SAMMSON: variants seen among roughly 807,000 people sequenced by gnomAD.
The protein encoded by SAMMSON is long intergenic non-protein coding RNA 1212.
chr3:70,083,821 G>C (rs1025241381), intron 4 of SAMMSON, among the ~76,000 whole-genome samples: 2 of 151,964 alleles, frequency 1.3e-5, no homozygotes, highest in African/African-American at 4.8e-5. Context: ...CCTTCACACA[G>C]TATCTCCCTC....
In SAMMSON at chr3:70,399,995, G is replaced by T. The variant is rs1334128164; in HGVS notation, n.233+41671G>T. On this transcript the variant is annotated intron_variant and non_coding_transcript_variant, in intron 2 of 3. Transcript: ENST00000641053. ...TATGGGGTAGATTTTTTTAAGTAAG[G>T]TAAGAAGGGTGTGTGATTATATTGT... 2.7e-5 allele frequency among the ~76,000 whole-genome samples: 4 copies of T among 149,174 alleles called. No individual in the cohort carries two copies. The East Asian group carries it at 5.8e-4, about 22-fold the overall frequency.
At chr3:70,148,731 C>T (rs1559523411) in intron 4 of SAMMSON, among the ~76,000 whole-genome samples, 1 of 152,070 alleles carries the variant, frequency 6.6e-6, no homozygotes, top group Non-Finnish European at 1.5e-5. Context: ...TCACTCACTA[C>T]CTTGAGGGCA....
intron 9 of SAMMSON, among the ~76,000 whole-genome samples, chr3:70,362,313 T>A (rs1243662069): frequency 1.3e-5 from 2 of 152,172 alleles, no homozygotes; most frequent in Non-Finnish European, 2.9e-5. Context: ...AAGTCAAAGA[T>A]GTTTGAATTT....
At chr3:70,411,435 T>C (rs148174748) in intron 2 of SAMMSON, among the ~76,000 whole-genome samples, 1 of 152,342 alleles carries the variant, frequency 6.6e-6, no homozygotes, top group Non-Finnish European at 1.5e-5. Flanking sequence ...ACATTCAGCA[T>C]ATCCACTTAT....
In SAMMSON at chr3:70,009,633, T is replaced by C. The variant is rs1006429009; in HGVS notation, n.23-2724T>C. ...TTTTGAAGGGTTTTTTGTGTCTCTATTCCCTTCAGTTCTGCTCTGGTTTTA... is the reference window on the plus strand; with the variant it reads ...TTTTGAAGGGTTTTTTGTGTCTCTACTCCCTTCAGTTCTGCTCTGGTTTTA... On this transcript the variant is annotated intron_variant and non_coding_transcript_variant, in intron 1 of 9. Transcript: ENST00000642114. 2.3e-4 allele frequency among the ~76,000 whole-genome samples: 35 copies of C among 152,120 alleles called. 1 individual carries two copies. The highest frequency in any genetic ancestry group is 8.2e-4 in the African/African-American group (34 of 41,468).
chr3:70,159,820 G>A (rs2067607331), intron 4 of SAMMSON, among the ~76,000 whole-genome samples: 1 of 152,026 alleles, frequency 6.6e-6, no homozygotes, highest in Non-Finnish European at 1.5e-5. Flanking sequence ...GCCTCCCAAA[G>A]TGCTGGAATT....
At chr3:70,011,029 A>T (rs2066952783) in intron 1 of SAMMSON, among the ~76,000 whole-genome samples, 1 of 152,108 alleles carries the variant, frequency 6.6e-6, no homozygotes, top group South Asian at 2.1e-4. Flanking sequence ...ATTACAATTC[A>T]AGGTGAGAGC....
chr3:70,209,951 T>A (rs899073710), intron 4 of SAMMSON, among the ~76,000 whole-genome samples: 1 of 152,122 alleles, frequency 6.6e-6, no homozygotes, highest in Non-Finnish European at 1.5e-5. Context: ...CAGAAAGAGC[T>A]GATAGATAAC....
chr3:70,052,099 A>G (rs1473018981), intron 3 of SAMMSON, among the ~76,000 whole-genome samples: 1 of 152,172 alleles, frequency 6.6e-6, no homozygotes, highest in African/African-American at 2.4e-5. Flanking sequence ...ACCTGTCTCA[A>G]AAACAAATAA....
chr3:70,102,465 T>C, intron 4 of SAMMSON, among the ~76,000 whole-genome samples: 1 of 152,212 alleles, frequency 6.6e-6, no homozygotes, highest in Admixed American at 6.5e-5. Flanking sequence ...GTCTGGGATC[T>C]TTCTGAGAAT....
In SAMMSON at chr3:70,129,417, A is replaced by C. The variant is rs80253636; in HGVS notation, n.507+57852A>C. ...AAAATTAAGTAAACATCAGATAAAC[A>C]GCAATTGGTGGAAAACATTCGAGTA... On this transcript the variant is annotated intron_variant and non_coding_transcript_variant, in intron 4 of 9. Coordinates refer to ENST00000642114, the Ensembl canonical transcript of SAMMSON. Among the ~76,000 whole-genome samples, 1,386 of 152,348 alleles carry C rather than the reference A, an allele frequency of 9.1e-3. 22 individuals carry two copies. Among genetic ancestry groups the C allele is most frequent in the African/African-American group, 0.031 (1,309 of 41,582 alleles).
intron 2 of SAMMSON, among the ~76,000 whole-genome samples, chr3:70,421,784 G>A (rs186073143): frequency 6.6e-6 from 1 of 152,170 alleles, no homozygotes; most frequent in African/African-American, 2.4e-5. Context: ...TCAAATGCTT[G>A]GTCTTAATTA....
intron 4 of SAMMSON, among the ~76,000 whole-genome samples, chr3:70,135,100 G>T (rs944244577): frequency 2.6e-5 from 4 of 152,062 alleles, no homozygotes; most frequent in South Asian, 2.1e-4. Flanking sequence ...TGTCAATCAG[G>T]TATAAAGGTG....
intron 6 of SAMMSON, among the ~76,000 whole-genome samples, chr3:70,251,059 G>A (rs1363461219): frequency 7.2e-5 from 11 of 152,268 alleles, no homozygotes; most frequent in South Asian, 6.2e-4. Context: ...GCTGTACACG[G>A]TTGAATCGTA....
At chr3:70,357,472 A>G (rs565492217) in intron 8 of SAMMSON, among the ~76,000 whole-genome samples, 7 of 152,266 alleles carry the variant, frequency 4.6e-5, no homozygotes, top group Non-Finnish European at 1.0e-4. Flanking sequence ...GATGTTTTTA[A>G]ATAAAATTTT....
Position 70,276,005 on chromosome 3 carries a change from T to C in SAMMSON, n.675-15174T>C, listed in dbSNP as rs796182006. Among the ~76,000 whole-genome samples, 4 of 152,198 alleles carry C rather than the reference T, an allele frequency of 2.6e-5. 1 individual carries two copies. In the South Asian group the frequency reaches 6.2e-4, roughly 24 times the overall value. On this transcript the variant is annotated intron_variant and non_coding_transcript_variant, in intron 6 of 9. Transcript: ENST00000642114. ...ATGATTTTATTCCCCCACAATAAACTTTTAAAAATATTTTGATGAAGAGCA... is the reference window on the plus strand; with the variant it reads ...ATGATTTTATTCCCCCACAATAAACCTTTAAAAATATTTTGATGAAGAGCA...
intron 9 of SAMMSON, among the ~76,000 whole-genome samples, chr3:70,381,310 A>G (rs1703066354): frequency 1.3e-5 from 2 of 152,172 alleles, no homozygotes. Flanking sequence ...ATTCCAGCTA[A>G]TAAATGTGGA....
intron 4 of SAMMSON, among the ~76,000 whole-genome samples, chr3:70,101,621 A>T (rs1339412195): frequency 6.6e-6 from 1 of 152,128 alleles, no homozygotes; most frequent in Non-Finnish European, 1.5e-5. Flanking sequence ...ACATGAGACA[A>T]TAAGCGTTAT....
intron 1 of SAMMSON, among the ~76,000 whole-genome samples, chr3:70,010,843 C>T (rs921493477): frequency 5.3e-5 from 8 of 152,044 alleles, no homozygotes; most frequent in African/African-American, 7.3e-5. Flanking sequence ...GGCTTTAGGA[C>T]GGAGTGAGTG....
Sources: allele counts gnomAD v4.1 joint callset (sites outside exome capture counted in the v4.1 genomes callset), GRCh38; gene constraint gnomAD v4.1.1; transcripts MANE v1.5; gene names NCBI Gene and HGNC (gene_info 2026-07-23, HGNC 2026-07-21).